The following TUBGCP4 variants were observed in gnomAD, a reference collection of about 807,000 sequenced individuals.
TUBGCP4 encodes tubulin gamma complex component 4.
Under a neutral mutation model 91.6 loss-of-function variants are expected in TUBGCP4, and 54 were observed. The observed-to-expected ratio is 0.59, with a 90% CI of 0.47 to 0.74. The LOEUF is 0.74. Ranked by LOEUF, TUBGCP4 falls within the 30% of genes least tolerant of loss-of-function variation. The pLI is 0.00. For missense variants in TUBGCP4, 593 were observed against 800.9 expected (o/e 0.74, Z 3.13); for synonymous variants, 297 against 302.8 (o/e 0.98, Z 0.20).
chr15:43,378,023 T>C, intron 5 of TUBGCP4, 120 bp downstream of exon 5: 1 of 723,400 alleles, frequency 1.4e-6, no homozygotes, highest in African/African-American at 1.8e-5. Context: ...TATTCATTCA[T>C]TTAACAATAT....
chr15:43,374,157 T>C (rs1376213581), intron 1 of TUBGCP4, among the ~76,000 whole-genome samples: 1 of 152,260 alleles, frequency 6.6e-6, no homozygotes, highest in Admixed American at 6.5e-5. Flanking sequence ...CCATATTATA[T>C]ATCCATCCAT....
intron 9 of TUBGCP4, 100 bp from the exon 10 acceptor site, chr15:43,395,007 A>G (rs1167053306): frequency 6.3e-6 from 8 of 1,270,502 alleles, no homozygotes; most frequent in Non-Finnish European, 9.2e-6. Context: ...GGCAAGGTAT[A>G]GTCTTCTTTT....
chr15:43,375,049 C>A (rs902865951), intron 1 of TUBGCP4, among the ~76,000 whole-genome samples: 1 of 152,182 alleles, frequency 6.6e-6, no homozygotes, highest in Non-Finnish European at 1.5e-5. Flanking sequence ...ATTACAGGCG[C>A]CCACCACCAC....
In TUBGCP4 at chr15:43,409,705, G is replaced by A; in HGVS notation, c.*4491G>A. ...AGCTCCTGCTCGAAGCTGGGATTCT[G>A]TATACTGCTTGTTGAAAGGAGGAAT... On this transcript the variant is annotated 3_prime_UTR_variant, in exon 18 of 18. Transcript: ENST00000564079. 6.4e-7 allele frequency: 1 copy of A among 1,569,478 alleles called. No homozygotes were observed. The highest frequency in any genetic ancestry group is 8.6e-7 in the Non-Finnish European group (1 of 1,160,252).
At position 43,380,134 on chromosome 15, in the gene TUBGCP4, G is replaced by T; in HGVS notation, c.492G>T (p.Gly164=). Residue 164 remains glycine (G), a synonymous_variant, in exon 6 of 18, where the codon GGG becomes GGT. Coordinates refer to ENST00000564079, the MANE Select transcript of TUBGCP4 (RefSeq NM_014444.5). The part of the protein sequence containing the change: ...LETVYKHSCG[G]LPPVRSALEK... ...CAGTCTACAAACACAGCTGTGGGGGGTTGCCTCCTGTTCGAAGTGCACTGG... is the reference window on the plus strand; with the variant it reads ...CAGTCTACAAACACAGCTGTGGGGGTTTGCCTCCTGTTCGAAGTGCACTGG... The T allele has an allele frequency of 6.2e-7, 1 of 1,614,110 alleles. No individual in the cohort carries two copies. Among genetic ancestry groups the T allele is most frequent in the Non-Finnish European group, 8.5e-7 (1 of 1,179,950 alleles).
rs1226729406 is a variant in TUBGCP4 at position 43,407,828 on chromosome 15, A to G, written c.*2614A>G. On this transcript the variant is annotated 3_prime_UTR_variant, in exon 18 of 18. Transcript: ENST00000564079. ...CTTGAAGGTGGTACTTTTCTTCTCT[A>G]AGAAACATGGATACGGTCAACCTAT... 8.9e-7 allele frequency: 1 copy of G among 1,124,538 alleles called. No individual in the cohort carries two copies. 69.7% of individuals were successfully genotyped at this position (1,124,538 alleles called of 1,614,324 possible). A position where few individuals can be genotyped will look rare whatever the true frequency, so the allele number is the denominator to read the frequency against.
chr15:43,371,285 C>T lies in TUBGCP4; in HGVS notation c.-70C>T, dbSNP rs2044114394. ...GCGCGTGTGGAAGGGGAAGCACTCC[C>T]CTCGTGGTCGCCTGGAGGTGCGCTG... On this transcript the variant is annotated 5_prime_UTR_variant, in exon 1 of 18. Coordinates refer to ENST00000564079, the MANE Select transcript of TUBGCP4 (RefSeq NM_014444.5). The T allele has an allele frequency of 2.0e-6, 3 of 1,507,090 alleles. No individual in the cohort carries two copies. Among genetic ancestry groups the T allele is most frequent in the South Asian group, 2.4e-5 (2 of 85,060 alleles). The allele number at this position is 1,507,090 out of a possible 1,614,324, so 93.4% of individuals were successfully genotyped here.
rs907968469 is a variant in TUBGCP4 at position 43,398,243 on chromosome 15, G to GCA, written c.1418+65_1418+66dup. ...ACCTTACTTGTAAGGGAAGAAACTA[G>GCA]CAGGAACAGAATTAGTGGGAAAGCA... On this transcript the variant is annotated intron_variant, in intron 13 of 17. Transcript: ENST00000564079. 3 of 1,564,408 alleles carry GCA rather than the reference G, an allele frequency of 1.9e-6. No homozygotes were observed. In the African/African-American group the frequency reaches 4.1e-5, roughly 21 times the overall value.
intron 17 of TUBGCP4, 78 bp downstream of exon 17, chr15:43,404,630 G>GA (rs2044796396): frequency 6.7e-7 from 1 of 1,486,472 alleles, no homozygotes; most frequent in Admixed American, 1.9e-5. Flanking sequence ...AGAACTGGAA[G>GA]AAGACTTTAG....
chr15:43,390,043 T>C (rs893843470), intron 9 of TUBGCP4, among the ~76,000 whole-genome samples: 2 of 152,156 alleles, frequency 1.3e-5, no homozygotes, highest in Non-Finnish European at 1.5e-5. Flanking sequence ...GTGGGAGTTA[T>C]GGAAGCTACA....
rs1329600565 is a variant in TUBGCP4 at position 43,406,629 on chromosome 15, A to C, written c.*1415A>C. On this transcript the variant is annotated 3_prime_UTR_variant, in exon 18 of 18. Transcript: ENST00000564079. ...AAAACCTTGTTGACCCCTGCTTTAG[A>C]GAATGAGAAGCCATGCAGGGATCAG... The C allele has an allele frequency of 2.0e-5, 9 of 455,918 alleles. No individual in the cohort carries two copies. The highest frequency in any genetic ancestry group is 1.8e-4 in the African/African-American group (9 of 50,060). The allele number at this position is 455,918 out of a possible 1,614,324, so 28.2% of individuals were successfully genotyped here. A position where few individuals can be genotyped will look rare whatever the true frequency, so the allele number is the denominator to read the frequency against.
intron 17 of TUBGCP4, 154 bp from the exon 18 acceptor site, chr15:43,405,048 A>T (rs2044820450): frequency 1.2e-6 from 1 of 809,526 alleles, no homozygotes; most frequent in Admixed American, 2.9e-5. Context: ...CTGCAAGCAG[A>T]TTTTTTTCTA....
intron 12 of TUBGCP4, among the ~76,000 whole-genome samples, chr15:43,397,695 G>A (rs549607983): frequency 1.4e-4 from 21 of 152,188 alleles, no homozygotes; most frequent in African/African-American, 4.1e-4. Flanking sequence ...TTCTGACATC[G>A]CAGACTCCAT....
intron 14 of TUBGCP4, 58 bp from the exon 15 acceptor site, chr15:43,401,658 A>C: frequency 6.4e-7 from 1 of 1,571,154 alleles, no homozygotes; most frequent in Non-Finnish European, 8.7e-7. Context: ...CAGGCATCTT[A>C]ATGTCTTCGA....
rs531595127 is a variant in TUBGCP4, at chr15:43,403,931, A to G, written c.1848+132A>G. 40 of 668,004 alleles carry G rather than the reference A, an allele frequency of 6.0e-5. No individual in the cohort carries two copies. In the African/African-American group the frequency reaches 7.1e-4, roughly 12 times the overall value. 41.4% of individuals were successfully genotyped at this position (668,004 alleles called of 1,614,324 possible). On this transcript the variant is annotated intron_variant, in intron 16 of 17. Transcript: ENST00000564079. ...ACACACGTACAGAGATAAGATACAA[A>G]GATAAAAATGTTGGTATCAGTTGAT...
Position 43,386,252 on chromosome 15 carries a change from C to A in TUBGCP4, c.936C>A (p.His312Gln). The change falls in exon 9 of 18, where the codon CAC becomes CAA. Residue 312 changes from histidine (H) to glutamine (Q), a missense_variant. By Grantham distance (24) the His-to-Gln change is conservative. Transcript: ENST00000564079. ...AAGACACTTTTGCTGCAGAGCTGCA[C>A]CGTCTCAAGCAGCAGCCACTCTTCA... ...NQEDTFAAEL[H>Q]RLKQQPLFSL... 6.2e-7 allele frequency: 1 copy of A among 1,606,148 alleles called. No homozygotes were observed. The highest frequency in any genetic ancestry group is 8.5e-7 in the Non-Finnish European group (1 of 1,177,466).
At chr15:43,400,501 G>A (rs1223531950) in intron 14 of TUBGCP4, among the ~76,000 whole-genome samples, 1 of 152,138 alleles carries the variant, frequency 6.6e-6, no homozygotes, top group African/African-American at 2.4e-5. Context: ...GGACTCAAGT[G>A]ATCCCCCTGC....
intron 12 of TUBGCP4, among the ~76,000 whole-genome samples, chr15:43,397,829 G>GC (rs2044606996): frequency 1.3e-5 from 2 of 152,066 alleles, no homozygotes; most frequent in Admixed American, 6.6e-5. Flanking sequence ...TCATGCCTCA[G>GC]CCCCCCTGAG....
Position 43,404,610 on chromosome 15 carries a change from G to A in TUBGCP4, c.1988+58G>A. 11 of 1,574,966 alleles carry A rather than the reference G, an allele frequency of 7.0e-6. No homozygotes were observed. The South Asian group carries it at 1.1e-4, about 16-fold the overall frequency. Reference sequence around the variant, plus strand: ...TTTTAAGGTGGCTTTTTAATGAGTTGTAGAATTCTAGAACTGGAAGAAGAC... The same window carrying A: ...TTTTAAGGTGGCTTTTTAATGAGTTATAGAATTCTAGAACTGGAAGAAGAC... On this transcript the variant is annotated intron_variant, in intron 17 of 17. Transcript: ENST00000564079.
Sources: gnomAD v4.1 joint callset for allele counts (sites outside exome capture counted in the v4.1 genomes callset) on GRCh38, gnomAD v4.1.1 for gene constraint, MANE v1.5 for transcripts, NCBI Gene and HGNC (gene_info 2026-07-23, HGNC 2026-07-21) for gene names.